The following CTNNBL1 variants were observed in gnomAD, a reference collection of about 807,000 sequenced individuals.
The protein encoded by CTNNBL1 is beta-catenin-like protein 1.
A neutral mutation model predicts 72.7 loss-of-function variants in CTNNBL1; 31 were observed. The ratio of observed to expected loss-of-function variants is 0.43; its 90% CI spans 0.32 to 0.58. CTNNBL1 has a LOEUF of 0.58. Among genes scored for constraint, CTNNBL1 ranks in the 20% least tolerant of loss-of-function variants. CTNNBL1 has a pLI of 0.08. For missense variants in CTNNBL1, 534 were observed against 725.1 expected (o/e 0.74, Z 3.03); for synonymous variants, 240 against 267.3 (o/e 0.90, Z 1.00).
chr20:37,787,350 T>TG (rs1189789036), intron 10 of CTNNBL1, among the ~76,000 whole-genome samples: 2 of 147,996 alleles, frequency 1.4e-5, no homozygotes, highest in South Asian at 2.2e-4. Context: ...TGTGTTTTTT[T>TG]TTTTTTTTTT....
intron 10 of CTNNBL1, among the ~76,000 whole-genome samples, chr20:37,801,460 C>T (rs1258944403): frequency 1.3e-5 from 2 of 152,128 alleles, no homozygotes; most frequent in Non-Finnish European, 2.9e-5. Context: ...ATTATGCTCC[C>T]TAGGGAAGTA....
At chr20:37,851,457 C>T (rs185190436) in intron 13 of CTNNBL1, among the ~76,000 whole-genome samples, 1 of 152,226 alleles carries the variant, frequency 6.6e-6, no homozygotes, top group Non-Finnish European at 1.5e-5. Flanking sequence ...CATTTTAATG[C>T]TACTGGTTTG....
At chr20:37,794,820 T>G (rs1257985802) in intron 10 of CTNNBL1, among the ~76,000 whole-genome samples, 1 of 152,138 alleles carries the variant, frequency 6.6e-6, no homozygotes, top group Non-Finnish European at 1.5e-5. Context: ...CTTTGAAATA[T>G]ATTTTCACCA....
At chr20:37,705,036 T>C (rs934063724) in intron 1 of CTNNBL1, among the ~76,000 whole-genome samples, 3 of 152,232 alleles carry the variant, frequency 2.0e-5, no homozygotes, top group Admixed American at 6.5e-5. Context: ...AATGACTTCA[T>C]TGGAGAATGT....
At chr20:37,721,291 T>C (rs2073038649) in intron 1 of CTNNBL1, among the ~76,000 whole-genome samples, 1 of 152,164 alleles carries the variant, frequency 6.6e-6, no homozygotes, top group South Asian at 2.1e-4. Context: ...GTGAATTGGG[T>C]TTTATACTTC....
intron 13 of CTNNBL1, among the ~76,000 whole-genome samples, chr20:37,854,770 G>T (rs893164943): frequency 1.3e-5 from 2 of 151,772 alleles, no homozygotes; most frequent in Admixed American, 6.6e-5. Context: ...TGAATTTTTA[G>T]TAGAAACAGG....
intron 1 of CTNNBL1, among the ~76,000 whole-genome samples, chr20:37,703,911 G>A (rs1226342412): frequency 1.3e-5 from 2 of 151,868 alleles, no homozygotes; most frequent in African/African-American, 4.8e-5. Context: ...CTGAGTCGCC[G>A]GGATTACAGG....
intron 1 of CTNNBL1, among the ~76,000 whole-genome samples, chr20:37,697,133 A>C (rs1267261724): frequency 6.6e-6 from 1 of 152,060 alleles, no homozygotes; most frequent in Non-Finnish European, 1.5e-5. Flanking sequence ...CAGTGAGCTG[A>C]GATCATCCCA....
chr20:37,706,576 G>T (rs1215184788), intron 1 of CTNNBL1, among the ~76,000 whole-genome samples: 1 of 152,186 alleles, frequency 6.6e-6, no homozygotes, highest in African/African-American at 2.4e-5. Context: ...TCGAATTCTA[G>T]TTATCTTACT....
chr20:37,714,751 G>T (rs1170690793), intron 1 of CTNNBL1, among the ~76,000 whole-genome samples: 1 of 152,134 alleles, frequency 6.6e-6, no homozygotes, highest in African/African-American at 2.4e-5. Context: ...ATTTTGTGTT[G>T]GTTGGATCTG....
chr20:37,787,310 C>T (rs983170679), intron 10 of CTNNBL1, among the ~76,000 whole-genome samples: 46 of 147,490 alleles, frequency 3.1e-4, no homozygotes, highest in African/African-American at 1.1e-3. Context: ...TTTTGTGTTA[C>T]GTGTAACTCT....
At chr20:37,815,649 T>C (rs2072050839) in intron 11 of CTNNBL1, among the ~76,000 whole-genome samples, 1 of 152,138 alleles carries the variant, frequency 6.6e-6, no homozygotes, top group Admixed American at 6.5e-5. Context: ...TGTGAATGTG[T>C]TGGGACTTCA....
chr20:37,758,542 G>A (rs2073385390), intron 5 of CTNNBL1, among the ~76,000 whole-genome samples: 1 of 152,218 alleles, frequency 6.6e-6, no homozygotes, highest in Non-Finnish European at 1.5e-5. Flanking sequence ...CACTGCCCCA[G>A]ATTCCCCAGT....
intron 1 of CTNNBL1, among the ~76,000 whole-genome samples, chr20:37,730,043 T>C (rs542429047): frequency 1.3e-5 from 2 of 152,334 alleles, no homozygotes; most frequent in Non-Finnish European, 2.9e-5. Context: ...GTGAGTTTTC[T>C]AAACAATGTC....
At chr20:37,791,609 G>C (rs1015279358) in intron 10 of CTNNBL1, among the ~76,000 whole-genome samples, 1 of 152,106 alleles carries the variant, frequency 6.6e-6, no homozygotes, top group Non-Finnish European at 1.5e-5. Context: ...TTATATCAGA[G>C]GTTACCCCCT....
intron 1 of CTNNBL1, among the ~76,000 whole-genome samples, chr20:37,704,002 C>T (rs1283006204): frequency 1.3e-5 from 2 of 152,130 alleles, no homozygotes; most frequent in African/African-American, 4.8e-5. Flanking sequence ...GTCTCGAACT[C>T]CTGACCTCAG....
intron 1 of CTNNBL1, among the ~76,000 whole-genome samples, chr20:37,725,290 A>G (rs1268484469): frequency 1.3e-5 from 2 of 150,544 alleles, no homozygotes; most frequent in African/African-American, 4.9e-5. Context: ...TCCAACCTTG[A>G]GCCTCTTTGA....
chr20:37,847,050 A>G (rs1027718280), intron 13 of CTNNBL1, among the ~76,000 whole-genome samples: 2 of 152,188 alleles, frequency 1.3e-5, no homozygotes, highest in Non-Finnish European at 2.9e-5. Context: ...AGTATTAAGG[A>G]AGATACGGCG....
chr20:37,703,907 C>T (rs577759062), intron 1 of CTNNBL1, among the ~76,000 whole-genome samples: 53 of 151,806 alleles, frequency 3.5e-4, no homozygotes, highest in African/African-American at 1.2e-3. Flanking sequence ...CCTCCTGAGT[C>T]GCCGGGATTA....
Sources: allele counts gnomAD v4.1 joint callset (sites outside exome capture counted in the v4.1 genomes callset), GRCh38; gene constraint gnomAD v4.1.1; transcripts MANE v1.5; gene names NCBI Gene and HGNC (gene_info 2026-07-23, HGNC 2026-07-21).